ZFAND3: variants seen among roughly 807,000 people sequenced by gnomAD.
The protein encoded by ZFAND3 is zinc finger AN1-type containing 3.
A neutral mutation model predicts 29.6 loss-of-function variants in ZFAND3; 10 were observed. The observed-to-expected ratio is 0.34, with a 90% CI of 0.21 to 0.57. The LOEUF (loss-of-function observed/expected upper bound fraction) is 0.57. Among genes scored for constraint, ZFAND3 ranks in the 20% least tolerant of loss-of-function variants. The probability of loss-of-function intolerance (pLI) is 0.86; values close to 1 mark genes in which losing one functional copy is unlikely to be tolerated. For missense variants in ZFAND3, 230 were observed against 304.5 expected, an observed-to-expected ratio of 0.76 and a Z score of 1.82; for synonymous variants, 128 against 112.6, an observed-to-expected ratio of 1.14 and a Z score of -0.87.
intron 1 of ZFAND3, among the ~76,000 whole-genome samples, chr6:37,841,904 A>G (rs1250820371): frequency 6.6e-6 from 1 of 152,212 alleles, no homozygotes; most frequent in Non-Finnish European, 1.5e-5. Flanking sequence ...CTATAACAAA[A>G]TACTTGGGTA....
chr6:37,892,546 A>G (rs1765123763), intron 1 of ZFAND3, among the ~76,000 whole-genome samples: 4 of 152,256 alleles, frequency 2.6e-5, no homozygotes, highest in Non-Finnish European at 4.4e-5. Flanking sequence ...CTGTCCTTCT[A>G]CCTTCACTAG....
intron 2 of ZFAND3, among the ~76,000 whole-genome samples, chr6:38,054,218 C>CAA (rs34198332): frequency 0.031 from 3,521 of 111,970 alleles, 78 homozygotes; most frequent in Middle Eastern, 0.073. Flanking sequence ...CCATCTCTAT[C>CAA]AAAAAAAAAA....
chr6:38,100,431 A>G (rs1356131129), intron 4 of ZFAND3, among the ~76,000 whole-genome samples: 1 of 152,216 alleles, frequency 6.6e-6, no homozygotes, highest in African/African-American at 2.4e-5. Flanking sequence ...TAGAATAGCC[A>G]TTGCAGTAAT....
chr6:37,958,147 T>C (rs900239543), intron 2 of ZFAND3, among the ~76,000 whole-genome samples: 6 of 152,198 alleles, frequency 3.9e-5, no homozygotes, highest in Non-Finnish European at 8.8e-5. Context: ...AGTACAAAAA[T>C]ATGATTTTAA....
intron 1 of ZFAND3, among the ~76,000 whole-genome samples, chr6:37,912,445 A>G (rs1219888113): frequency 6.6e-6 from 1 of 152,198 alleles, no homozygotes; most frequent in Non-Finnish European, 1.5e-5. Context: ...TAATTTTCTT[A>G]AGGAAAGTAA....
intron 2 of ZFAND3, among the ~76,000 whole-genome samples, chr6:38,034,099 G>A (rs1763613728): frequency 6.6e-6 from 1 of 152,084 alleles, no homozygotes; most frequent in African/African-American, 2.4e-5. Context: ...CTTAAACAGT[G>A]ATTTCCTCAG....
rs1766050093 is a variant in ZFAND3 at position 38,144,222 on chromosome 6, TA to T, written c.530-8012del. On this transcript the variant is annotated intron_variant, in intron 5 of 5. Transcript: ENST00000287218. ...ATATATATATATATAATATATAATA[TA>T]TATATATATTTTTTTTTTAATAAGG... is the stretch of plus-strand genomic sequence containing the variant. Among the ~76,000 whole-genome samples the T allele has an allele frequency of 6.9e-5, 5 of 72,342 alleles. No individual in the cohort carries two copies. In the East Asian group the frequency reaches 1.1e-3, roughly 16 times the overall value. 47.5% of individuals were successfully genotyped at this position (72,342 alleles called of 152,430 possible).
In ZFAND3 at chr6:37,819,871, C is replaced by G; in HGVS notation, c.-75C>G. ...CCGAGCCCCCCGACGCCGCCGCCAC[C>G]GCCTCCTCAGAGCGGGGCCCGGGCC... On this transcript the variant is annotated 5_prime_UTR_variant, in exon 1 of 6. Coordinates refer to ENST00000287218, the MANE Select transcript of ZFAND3 (RefSeq NM_021943.3). 9.0e-7 allele frequency: 1 copy of G among 1,108,180 alleles called. No homozygotes were observed. The highest frequency in any genetic ancestry group is 4.8e-5 in the Admixed American group (1 of 20,778). 68.6% of individuals were successfully genotyped at this position (1,108,180 alleles called of 1,614,324 possible).
chr6:37,849,257 T>C lies in ZFAND3; in HGVS notation c.71+29241T>C, dbSNP rs1364748626. On this transcript the variant is annotated intron_variant, in intron 1 of 5. Coordinates refer to ENST00000287218, the MANE Select transcript of ZFAND3 (RefSeq NM_021943.3). ...CAAGCGAGAGCTCCCCTTTTAGAGT[T>C]GCATTGTTCTATTCAATTTTTCTTT... is the stretch of plus-strand genomic sequence containing the variant. 2.0e-5 allele frequency among the ~76,000 whole-genome samples: 3 copies of C among 152,188 alleles called. No individual in the cohort carries two copies. The East Asian group carries it at 5.8e-4, about 29-fold the overall frequency.
chr6:37,836,703 T>C (rs915414863), intron 1 of ZFAND3, among the ~76,000 whole-genome samples: 2 of 152,320 alleles, frequency 1.3e-5, no homozygotes, highest in African/African-American at 4.8e-5. Context: ...CATTCATGAA[T>C]CTAACCATCA....
chr6:37,899,970 T>C (rs1765289471), intron 1 of ZFAND3, among the ~76,000 whole-genome samples: 1 of 152,206 alleles, frequency 6.6e-6, no homozygotes. Context: ...ATGTGTTTTA[T>C]TGATTGTTTT....
chr6:38,002,328 T>G (rs1762964347), intron 2 of ZFAND3, among the ~76,000 whole-genome samples: 1 of 151,922 alleles, frequency 6.6e-6, no homozygotes, highest in Non-Finnish European at 1.5e-5. Context: ...CATCAAATGT[T>G]TCCCAGGTTT....
At chr6:37,924,827 A>G (rs1011838010) in intron 1 of ZFAND3, among the ~76,000 whole-genome samples, 1 of 151,968 alleles carries the variant, frequency 6.6e-6, no homozygotes, top group African/African-American at 2.4e-5. Flanking sequence ...AAAAACAAAA[A>G]ATAAAAAAAT....
At position 38,075,092 on chromosome 6, in the gene ZFAND3, A is replaced by G. The variant is rs571872216; in HGVS notation, c.296-7300A>G. Among the ~76,000 whole-genome samples, 13 of 152,350 alleles carry G rather than the reference A, an allele frequency of 8.5e-5. No homozygotes were observed. In the South Asian group the frequency reaches 1.2e-3, roughly 15 times the overall value. On this transcript the variant is annotated intron_variant, in intron 3 of 5. Coordinates refer to ENST00000287218, the MANE Select transcript of ZFAND3 (RefSeq NM_021943.3). ...GAGGTACAAGGAAATTTATGTTTCC[A>G]TGCCTGGTAACACAGCATTGATTCT...
At chr6:37,909,221 G>T (rs1021720792) in intron 1 of ZFAND3, among the ~76,000 whole-genome samples, 1 of 151,820 alleles carries the variant, frequency 6.6e-6, no homozygotes, top group Non-Finnish European at 1.5e-5. Flanking sequence ...CATTAAGAGG[G>T]AAGACTTTCT....
At chr6:37,906,582 ATGTTTAACTTAC>A (rs1195129385) in intron 1 of ZFAND3, among the ~76,000 whole-genome samples, 31 of 152,088 alleles carry the variant, frequency 2.0e-4, no homozygotes, top group African/African-American at 7.2e-4. Flanking sequence ...TGGTAATTCT[ATGTTTAACTTAC>A]TGAGGAAGTC....
At chr6:37,908,891 C>T (rs180752229) in intron 1 of ZFAND3, among the ~76,000 whole-genome samples, 125 of 152,200 alleles carry the variant, frequency 8.2e-4, no homozygotes, top group African/African-American at 2.8e-3. Context: ...TAACCTTTTA[C>T]CTGATTGTTT....
Position 38,047,668 on chromosome 6 carries a change from T to G in ZFAND3, c.113-13925T>G, listed in dbSNP as rs191774399. Among the ~76,000 whole-genome samples the G allele has an allele frequency of 1.4e-3, 215 of 152,320 alleles. 1 individual carries two copies. Among genetic ancestry groups the G allele is most frequent in the African/African-American group, 5.0e-3 (209 of 41,578 alleles). On this transcript the variant is annotated intron_variant, in intron 2 of 5. Coordinates refer to ENST00000287218, the MANE Select transcript of ZFAND3 (RefSeq NM_021943.3). ...TGTTAATGAAAAATTTATTTGGCTT[T>G]TATGACCAGAAACTTTAAGAGCTGT...
At chr6:37,961,097 T>C (rs896918501) in intron 2 of ZFAND3, among the ~76,000 whole-genome samples, 3 of 152,102 alleles carry the variant, frequency 2.0e-5, no homozygotes, top group Non-Finnish European at 4.4e-5. Flanking sequence ...TAATCAGTGC[T>C]CTTAGGATCT....
Sources: gnomAD v4.1 joint callset for allele counts (sites outside exome capture counted in the v4.1 genomes callset) on GRCh38, gnomAD v4.1.1 for gene constraint, MANE v1.5 for transcripts, NCBI Gene and HGNC (gene_info 2026-07-23, HGNC 2026-07-21) for gene names.